The following RRP12 variants were observed in gnomAD, a reference collection of about 807,000 sequenced individuals.
RRP12 encodes the protein ribosomal RNA processing 12 homolog, also known as RRP12-like protein.
In RRP12, 78 loss-of-function variants were observed where a neutral mutation model predicts 157.3. The observed-to-expected ratio is 0.50, with a 90% CI of 0.41 to 0.60. RRP12 has a LOEUF of 0.60. Ranked by LOEUF, RRP12 falls within the 20% of genes least tolerant of loss-of-function variation. The pLI, the probability that RRP12 is intolerant of heterozygous loss-of-function variation, is 0.00. For synonymous variants in RRP12, 726 were observed against 670.9 expected (o/e 1.08, Z -1.27); for missense variants, 1,521 against 1,679.9 (o/e 0.91, Z 1.65).
intron 3 of RRP12, among the ~76,000 whole-genome samples, chr10:97,394,215 C>A (rs953848913): frequency 6.6e-6 from 1 of 151,836 alleles, no homozygotes; most frequent in Non-Finnish European, 1.5e-5. Context: ...TGGTGGCGGG[C>A]GCCTGTAGTC....
intron 3 of RRP12, among the ~76,000 whole-genome samples, 195 bp from the exon 4 acceptor site, chr10:97,393,955 T>C (rs1844884172): frequency 6.6e-6 from 1 of 152,226 alleles, no homozygotes; most frequent in Non-Finnish European, 1.5e-5. Flanking sequence ...TCTTCATTTG[T>C]AAAGTAGGGA....
intron 8 of RRP12, among the ~76,000 whole-genome samples, chr10:97,387,032 A>T (rs1366102951): frequency 6.6e-6 from 1 of 151,962 alleles, no homozygotes; most frequent in Non-Finnish European, 1.5e-5. Flanking sequence ...TGGCGGGGGT[A>T]TCTGTGGGGG....
chr10:97,385,284 G>A (rs1393417185), intron 9 of RRP12, 27 bp from the exon 10 acceptor site: 2 of 1,560,094 alleles, frequency 1.3e-6, no homozygotes, highest in South Asian at 1.1e-5. Flanking sequence ...GCAGGTGACT[G>A]AGCATGCAGG....
In RRP12 at chr10:97,379,403, TC is replaced by T; in HGVS notation, c.1687del (p.Asp563IlefsTer34). Reference protein sequence around the residue: ...LEIDGSEETLDFPRSWLLPVI... With the variant: ...LEIDGSEETLXFPRSWLLPVI... The stretch of plus-strand genomic sequence containing the variant: ...AGGCAGCAGCCAGCTCCGTGGGAAA[TC>T]CAGAGTCTCCCTGGGAAGAGAATGG... On this transcript the variant is annotated frameshift_variant, in exon 15 of 34. Transcript: ENST00000370992. LOFTEE classifies it high-confidence loss of function. The T allele has an allele frequency of 6.2e-7, 1 of 1,613,830 alleles. No homozygotes were observed. Among genetic ancestry groups the T allele is most frequent in the Non-Finnish European group, 8.5e-7 (1 of 1,179,972 alleles).
intron 33 of RRP12, among the ~76,000 whole-genome samples, chr10:97,358,119 G>C (rs1843757264): frequency 6.6e-6 from 1 of 152,054 alleles, no homozygotes; most frequent in African/African-American, 2.4e-5. Flanking sequence ...CAGATCATGA[G>C]GTCAAGAGAT....
At chr10:97,379,478 A>G in intron 14 of RRP12, 64 bp from the exon 15 acceptor site, 1 of 1,607,308 alleles carries the variant, frequency 6.2e-7, no homozygotes, top group Non-Finnish European at 8.5e-7. Flanking sequence ...AGTGCATAGC[A>G]TACTGAGCCC....
Position 97,401,123 on chromosome 10 carries a change from C to A in RRP12, c.109G>T (p.Ala37Ser). The change falls in exon 1 of 34, where the codon GCC (alanine) becomes TCC (serine). Residue 37 changes from alanine to serine, a missense_variant. Coordinates refer to ENST00000370992, the MANE Select transcript of RRP12 (RefSeq NM_015179.4). The stretch of plus-strand genomic sequence containing the variant: ...GGCCGGCTGAAGAAGCGGCTGCGGG[C>A]GGCCTGACGGTGGCGGCAGATGGCG... ...NPAICRHRQAARSRFFSRPSG... is the reference protein window; with the variant it reads ...NPAICRHRQASRSRFFSRPSG... 1 of 1,613,678 alleles carries A rather than the reference C, an allele frequency of 6.2e-7. No individual in the cohort carries two copies. Among genetic ancestry groups the A allele is most frequent in the Non-Finnish European group, 8.5e-7 (1 of 1,179,860 alleles).
chr10:97,366,390 A>T (rs879593110), intron 28 of RRP12, 56 bp downstream of exon 28: 6 of 1,562,382 alleles, frequency 3.8e-6, no homozygotes, highest in Non-Finnish European at 5.2e-6. Context: ...ACCACCTGAG[A>T]ACCTGGCACC....
Position 97,388,548 on chromosome 10 carries a change from T to C in RRP12, c.830A>G (p.His277Arg), listed in dbSNP as rs769744452. 1 of 1,614,094 alleles carries C rather than the reference T, an allele frequency of 6.2e-7. No homozygotes were observed. The highest frequency in any genetic ancestry group is 1.3e-5 in the African/African-American group (1 of 74,934). Residue 277 changes from histidine to arginine, a missense_variant, in exon 7 of 34, where the codon CAT becomes CGT. Coordinates refer to ENST00000370992, the MANE Select transcript of RRP12 (RefSeq NM_015179.4). The part of the protein sequence containing the change: ...SEFMFEKAPA[H>R]HPAAISTAKF... Reference sequence around the variant, plus strand: ...GGCAGTGGAAATGGCAGCAGGATGATGGGCAGGGGCCTTTTCAAACATGAA... The same window carrying C: ...GGCAGTGGAAATGGCAGCAGGATGACGGGCAGGGGCCTTTTCAAACATGAA...
intron 3 of RRP12, among the ~76,000 whole-genome samples, chr10:97,395,355 C>T (rs1360211825): frequency 6.7e-6 from 1 of 148,942 alleles, no homozygotes; most frequent in Non-Finnish European, 1.5e-5. Flanking sequence ...AGTTCGAGAC[C>T]AGCCGGGCCA....
At chr10:97,379,876 G>A (rs1025646241) in intron 13 of RRP12, 106 bp from the exon 14 acceptor site, 12 of 1,129,922 alleles carry the variant, frequency 1.1e-5, no homozygotes, top group East Asian at 7.6e-5. Flanking sequence ...TGGGTTCAAC[G>A]CTACACCAGA....
chr10:97,401,272 C>G lies in RRP12; in HGVS notation c.-41G>C, dbSNP rs765414712. The G allele has an allele frequency of 5.6e-6, 9 of 1,611,416 alleles. No individual in the cohort carries two copies. Among genetic ancestry groups the G allele is most frequent in the Non-Finnish European group, 7.6e-6 (9 of 1,177,980 alleles). On this transcript the variant is annotated 5_prime_UTR_variant, in exon 1 of 34. Transcript: ENST00000370992. ...GCGAGGAATGAGCTTAAATGACCGG[C>G]TTCCAGGGACGTAGAAACACGCTCA... is the stretch of plus-strand genomic sequence containing the variant.
In RRP12 at chr10:97,381,742, C is replaced by T. The variant is rs767258782; in HGVS notation, c.1293G>A (p.Val431=). The T allele has an allele frequency of 6.2e-7, 1 of 1,614,152 alleles. No homozygotes were observed. Among genetic ancestry groups the T allele is most frequent in the Non-Finnish European group, 8.5e-7 (1 of 1,179,970 alleles). ...TGAGGCTCTGCGTAGCAGCAGTCAG[C>T]ACTTGCGAGTGTGGGGAAAGGAGGC... ...VTCLLSPHSQ[V]LTAATQSLKE... The change falls in exon 11 of 34, where the codon GTG becomes GTA. Residue 431 remains valine, a synonymous_variant. Transcript: ENST00000370992.
intron 19 of RRP12, 57 bp downstream of exon 19, chr10:97,372,679 G>A: frequency 7.3e-7 from 1 of 1,378,744 alleles, no homozygotes; most frequent in Non-Finnish European, 1.0e-6. Context: ...TCTGCCAGAT[G>A]CACCCTCCAG....
chr10:97,382,495 C>A (rs1844498821), intron 10 of RRP12, among the ~76,000 whole-genome samples: 1 of 152,176 alleles, frequency 6.6e-6, no homozygotes, highest in Admixed American at 6.6e-5. Context: ...ATATAACATA[C>A]ATTCATTTAA....
At chr10:97,387,427 G>A (rs1844666531) in intron 8 of RRP12, among the ~76,000 whole-genome samples, 1 of 148,816 alleles carries the variant, frequency 6.7e-6, no homozygotes, top group African/African-American at 2.5e-5. Flanking sequence ...TCAACCTCCT[G>A]GGCTCAAGCA....
chr10:97,390,927 G>A, intron 4 of RRP12, 83 bp from the exon 5 acceptor site: 1 of 888,260 alleles, frequency 1.1e-6, no homozygotes. Flanking sequence ...AAGGAGGACA[G>A]GGCAAGGGGC....
intron 29 of RRP12, chr10:97,365,845 T>A (rs1843960462): frequency 2.4e-6 from 1 of 420,206 alleles, no homozygotes; most frequent in African/African-American, 2.1e-5. Context: ...CAGAAGAGAC[T>A]AACAGCGTAT....
At position 97,373,110 on chromosome 10, in the gene RRP12, G is replaced by C; in HGVS notation, c.2117C>G (p.Thr706Ser). The C allele has an allele frequency of 2.5e-6, 4 of 1,614,164 alleles. No individual in the cohort carries two copies. Among genetic ancestry groups the C allele is most frequent in the Non-Finnish European group, 3.4e-6 (4 of 1,179,996 alleles). ...CAGCACAGCCCGGCGAGGGGCTGGAGTGTCCCCGGCTGCCACGGGCTGCCC... is the reference window on the plus strand; with the variant it reads ...CAGCACAGCCCGGCGAGGGGCTGGACTGTCCCCGGCTGCCACGGGCTGCCC... ...LYGQPVAAGD[T>S]PAPRRAVLET... The change falls in exon 18 of 34, where the codon ACT becomes AGT. Residue 706 changes from threonine (T) to serine (S), a missense_variant. Transcript: ENST00000370992.
Sources: allele counts gnomAD v4.1 joint callset (sites outside exome capture counted in the v4.1 genomes callset), GRCh38; gene constraint gnomAD v4.1.1; transcripts MANE v1.5; gene names NCBI Gene and HGNC (gene_info 2026-07-23, HGNC 2026-07-21).